AMN1: variants seen among roughly 807,000 people sequenced by gnomAD.
The protein encoded by AMN1 is protein AMN1 homolog.
In AMN1, 20 loss-of-function variants were observed where a neutral mutation model predicts 33.0. The observed-to-expected ratio is 0.61, with a 90% CI of 0.43 to 0.88. AMN1 has a LOEUF of 0.88. AMN1 is among the 40% of genes least tolerant of loss of function. AMN1 has a pLI of 0.00. For synonymous variants in AMN1, 114 were observed against 111.9 expected (o/e 1.02, Z -0.12); for missense variants, 246 against 307.4 (o/e 0.80, Z 1.49).
rs1404920010 is a variant in AMN1 at position 31,698,047 on chromosome 12, CA to C, written c.317-91del. The C allele has an allele frequency of 6.4e-6, 8 of 1,253,910 alleles. No individual in the cohort carries two copies. In the East Asian group the frequency reaches 1.9e-4, roughly 31 times the overall value. The allele number at this position is 1,253,910 out of a possible 1,614,324, so 77.7% of individuals were successfully genotyped here. On this transcript the variant is annotated intron_variant, in intron 3 of 6. Coordinates refer to ENST00000281471, the MANE Select transcript of AMN1 (RefSeq NM_001113402.2). ...GACTGATTTTCATTTTAGCAATCAC[CA>C]GTTCAGTGTTAGCCCTTTTCAAAGT...
At chr12:31,694,545 C>A (rs1938639707) in intron 5 of AMN1, among the ~76,000 whole-genome samples, 1 of 151,618 alleles carries the variant, frequency 6.6e-6, no homozygotes, top group Non-Finnish European at 1.5e-5. Flanking sequence ...TCCAGGAGTT[C>A]AAGATCATCC....
intron 3 of AMN1, among the ~76,000 whole-genome samples, chr12:31,699,422 G>GA (rs1451259554): frequency 3.0e-5 from 2 of 67,310 alleles, no homozygotes; most frequent in Admixed American, 1.6e-4. Context: ...AAAAAAAAAA[G>GA]AAAGAAAAGA....
intron 6 of AMN1, among the ~76,000 whole-genome samples, chr12:31,676,498 A>ATT (rs1430946137): frequency 1.3e-5 from 2 of 150,366 alleles, no homozygotes; most frequent in Admixed American, 1.3e-4. Flanking sequence ...ATTTTTTTGT[A>ATT]TTTTTAGTAG....
intron 5 of AMN1, among the ~76,000 whole-genome samples, chr12:31,696,697 C>T (rs961802416): frequency 3.9e-5 from 6 of 152,190 alleles, no homozygotes; most frequent in Middle Eastern, 3.4e-3. Context: ...GAGGCCGAGG[C>T]GGTCGGATCA....
intron 1 of AMN1, among the ~76,000 whole-genome samples, chr12:31,721,266 C>T (rs370879427): frequency 6.6e-6 from 1 of 152,100 alleles, no homozygotes; most frequent in Non-Finnish European, 1.5e-5. Context: ...GAAGGACTTC[C>T]GGGTTTGGAT....
At chr12:31,726,874 TTTTTC>T in intron 1 of AMN1, among the ~76,000 whole-genome samples, 1 of 152,328 alleles carries the variant, frequency 6.6e-6, no homozygotes, top group African/African-American at 2.4e-5. Context: ...TTCTGAAGAA[TTTTTC>T]TTAACATTGT....
At chr12:31,724,941 A>G (rs756441919) in intron 1 of AMN1, among the ~76,000 whole-genome samples, 26 of 152,230 alleles carry the variant, frequency 1.7e-4, no homozygotes, top group Non-Finnish European at 3.8e-4. Context: ...AATTGATTAA[A>G]TTTGTCAAAT....
intron 3 of AMN1, among the ~76,000 whole-genome samples, chr12:31,700,455 T>C (rs1938943713): frequency 6.6e-6 from 1 of 152,190 alleles, no homozygotes; most frequent in Admixed American, 6.5e-5. Context: ...CACTAACTCA[T>C]GTAATAGTGA....
At chr12:31,686,632 C>T (rs1431120238) in intron 6 of AMN1, among the ~76,000 whole-genome samples, 1 of 152,084 alleles carries the variant, frequency 6.6e-6, no homozygotes, top group East Asian at 1.9e-4. Context: ...TTAAATTAGC[C>T]TACAGATGGG....
At chr12:31,672,607 A>G in intron 6 of AMN1, 2 of 377,216 alleles carry the variant, frequency 5.3e-6, no homozygotes, top group Non-Finnish European at 9.6e-6. Context: ...AAAAAAAAAA[A>G]CAGGCATTTG....
rs760035887 is a variant in AMN1, at chr12:31,702,848, CT to C, written c.172-842del. The stretch of plus-strand genomic sequence containing the variant: ...CGCCTCCCGGGTTCAAGCGATTCTC[CT>C]GCCTCAGCCTCCCAGTAGCTGGGAT... On this transcript the variant is annotated intron_variant, in intron 2 of 6. Coordinates refer to ENST00000281471, the MANE Select transcript of AMN1 (RefSeq NM_001113402.2). Among the ~76,000 whole-genome samples, 46 of 152,304 alleles carry C rather than the reference CT, an allele frequency of 3.0e-4. 1 individual carries two copies. Among genetic ancestry groups the C allele is most frequent in the Admixed American group, 3.9e-4 (6 of 15,294 alleles).
At chr12:31,703,677 T>A (rs1048495943) in intron 2 of AMN1, among the ~76,000 whole-genome samples, 1 of 152,234 alleles carries the variant, frequency 6.6e-6, no homozygotes, top group Non-Finnish European at 1.5e-5. Flanking sequence ...TAAAAAACGC[T>A]TTGAAGAACA....
At position 31,728,961 on chromosome 12, in the gene AMN1, G is replaced by GTC; in HGVS notation, c.38+9_38+10insGA. 3 of 1,546,352 alleles carry GTC rather than the reference G, an allele frequency of 1.9e-6. No homozygotes were observed. The highest frequency in any genetic ancestry group is 2.6e-6 in the Non-Finnish European group (3 of 1,143,780). On this transcript the variant is annotated intron_variant, in intron 1 of 6. Transcript: ENST00000281471. ...GCGGCGCGAAGGGAGGCGGGACAGG[G>GTC]TAGACTCACAGATCCAGGAGCTGAC...
intron 1 of AMN1, among the ~76,000 whole-genome samples, chr12:31,712,573 A>ATAATATATATTTTTTAAT (rs1939510902): frequency 1.3e-5 from 2 of 152,048 alleles, no homozygotes; most frequent in Non-Finnish European, 2.9e-5. Context: ...ATGGCTGAAT[A>ATAATATATATTTTTTAAT]ATATTCCATC....
At chr12:31,728,470 A>G (rs1202947591) in intron 1 of AMN1, among the ~76,000 whole-genome samples, 1 of 152,228 alleles carries the variant, frequency 6.6e-6, no homozygotes, top group East Asian at 1.9e-4. Context: ...TTACCGGTCC[A>G]TGGTCACGTG....
Position 31,686,705 on chromosome 12 carries a change from G to A in AMN1, c.703+2302C>T, listed in dbSNP as rs374198050. On this transcript the variant is annotated intron_variant, in intron 6 of 6. Transcript: ENST00000281471. ...TGTTGACTGTCTCATGTAATCTATT[G>A]AATATTATACTGAAAGTGAAAAAAA... Among the ~76,000 whole-genome samples the A allele has an allele frequency of 2.0e-5, 3 of 152,148 alleles. No homozygotes were observed. In the East Asian group the frequency reaches 5.8e-4, roughly 29 times the overall value.
At chr12:31,705,605 G>C (rs1034916047) in intron 2 of AMN1, among the ~76,000 whole-genome samples, 2 of 152,148 alleles carry the variant, frequency 1.3e-5, no homozygotes, top group African/African-American at 4.8e-5. Flanking sequence ...AGTGAAGTCA[G>C]AGCAATTGTG....
intron 6 of AMN1, among the ~76,000 whole-genome samples, chr12:31,676,595 T>TA (rs1365452091): frequency 3.3e-5 from 5 of 150,132 alleles, no homozygotes; most frequent in African/African-American, 1.2e-4. Context: ...GTGCTGCAAT[T>TA]ACAGGTGTGA....
In AMN1 at chr12:31,693,843, G is replaced by A. The variant is rs141306782; in HGVS notation, c.591+3518C>T. Among the ~76,000 whole-genome samples, 610 of 150,050 alleles carry A rather than the reference G, an allele frequency of 4.1e-3. 2 individuals are homozygous for A. Among genetic ancestry groups the A allele is most frequent in the Middle Eastern group, 0.014 (4 of 282 alleles). ...AGGTGTGAGCCACCGCACCCAGCCT[G>A]TATTTTTCATAGAGACAAGGTTTCA... is the stretch of plus-strand genomic sequence containing the variant. On this transcript the variant is annotated intron_variant, in intron 5 of 6. Coordinates refer to ENST00000281471, the MANE Select transcript of AMN1 (RefSeq NM_001113402.2).
Sources: allele counts gnomAD v4.1 joint callset (sites outside exome capture counted in the v4.1 genomes callset), GRCh38; gene constraint gnomAD v4.1.1; transcripts MANE v1.5; gene names NCBI Gene and HGNC (gene_info 2026-07-23, HGNC 2026-07-21).